The following RNF125 variants were observed in gnomAD, a reference collection of about 807,000 sequenced individuals.
RNF125 encodes E3 ubiquitin-protein ligase RNF125.
In RNF125, 21 loss-of-function variants were observed where a neutral mutation model predicts 26.0. That is an observed-to-expected ratio of 0.81 (90% confidence interval 0.57 to 1.16). RNF125 has a LOEUF of 1.16. RNF125 is among the 50% of genes most tolerant of loss of function. The probability of loss-of-function intolerance (pLI) is 0.00; values close to 1 mark genes in which losing one functional copy is unlikely to be tolerated. For synonymous variants in RNF125, 95 were observed against 109.2 expected (o/e 0.87, Z 0.81); for missense variants, 270 against 299.4 (o/e 0.90, Z 0.72).
At chr18:32,089,942 A>G in the RNF125 span, among the ~76,000 whole-genome samples, 1 of 152,174 alleles carries the variant, frequency 6.6e-6, no homozygotes, top group Non-Finnish European at 1.5e-5. Context: ...AATGAGTGGA[A>G]TTATCAAAAA....
intron 2 of RNF125, among the ~76,000 whole-genome samples, chr18:32,039,439 T>G (rs753487949): frequency 5.3e-5 from 8 of 152,064 alleles, no homozygotes; most frequent in Non-Finnish European, 1.2e-4. Context: ...ATGTTCATGT[T>G]AGAGGGTGGT....
chr18:32,075,947 T>C, downstream of RNF125: 6 of 1,524,046 alleles, frequency 3.9e-6, no homozygotes, highest in Non-Finnish European at 4.5e-6. Flanking sequence ...TCATGGTCCA[T>C]GATGCCAGCT....
intron 1 of RNF125, among the ~76,000 whole-genome samples, chr18:32,029,426 C>T (rs1032718986): frequency 6.7e-6 from 1 of 149,434 alleles, no homozygotes; most frequent in African/African-American, 2.5e-5. Flanking sequence ...GAGTTTGAGA[C>T]CAGCCTGGGC....
Position 32,033,379 on chromosome 18 carries a change from T to C in RNF125, c.165-3737T>C, listed in dbSNP as rs150867472. ...TCCTCTAGTACTAAAAACACAAACATTTGCCGAACATGGTGGCACATGCAT... is the reference window on the plus strand; with the variant it reads ...TCCTCTAGTACTAAAAACACAAACACTTGCCGAACATGGTGGCACATGCAT... On this transcript the variant is annotated intron_variant, in intron 1 of 5. Coordinates refer to ENST00000217740, the MANE Select transcript of RNF125 (RefSeq NM_017831.4). Among the ~76,000 whole-genome samples the C allele has an allele frequency of 2.0e-5, 3 of 152,028 alleles. No homozygotes were observed. In the East Asian group the frequency reaches 5.8e-4, roughly 30 times the overall value.
chr18:32,053,722 C>T (rs1381448036), intron 4 of RNF125, among the ~76,000 whole-genome samples: 2 of 149,670 alleles, frequency 1.3e-5, no homozygotes, highest in East Asian at 2.0e-4. Context: ...GAGCAGAGAT[C>T]GCATCATTGC....
At chr18:32,050,899 TG>T (rs2039320199) in intron 4 of RNF125, among the ~76,000 whole-genome samples, 1 of 96,030 alleles carries the variant, frequency 1.0e-5, no homozygotes, top group Non-Finnish European at 1.9e-5. Flanking sequence ...TTTTTTTTTT[TG>T]AAGAGACGGT....
Position 32,055,339 on chromosome 18 carries a change from ATTTAG to A in RNF125, c.504+9611_504+9615del, listed in dbSNP as rs1473212036. 2.6e-5 allele frequency among the ~76,000 whole-genome samples: 4 copies of A among 151,038 alleles called. No individual in the cohort carries two copies. The East Asian group carries it at 7.8e-4, about 29-fold the overall frequency. ...AAAGAAATTAGACCAAGTTATTCTT[ATTTAG>A]TTTTTCCTGTTCCAACATCTTGCTC... On this transcript the variant is annotated intron_variant, in intron 4 of 5. Coordinates refer to ENST00000217740, the MANE Select transcript of RNF125 (RefSeq NM_017831.4).
chr18:32,024,566 G>C (rs1051116469), intron 1 of RNF125, among the ~76,000 whole-genome samples: 1 of 151,948 alleles, frequency 6.6e-6, no homozygotes, highest in African/African-American at 2.4e-5. Context: ...TCAACCTCCT[G>C]AGTAGCTGGA....
intron 4 of RNF125, among the ~76,000 whole-genome samples, chr18:32,063,340 C>A (rs1207782246): frequency 6.6e-6 from 1 of 151,612 alleles, no homozygotes; most frequent in Non-Finnish European, 1.5e-5. Context: ...TATTAGCCAT[C>A]ATAGAAGTGC....
In RNF125 at chr18:32,018,907, C is replaced by G. The variant is rs755765873; in HGVS notation, c.44C>G (p.Ala15Gly). Residue 15 changes from alanine (A) to glycine (G), a missense_variant, in exon 1 of 6, where the codon GCC (alanine) becomes GGC (glycine). Physicochemically the swap from Ala to Gly is moderately conservative, Grantham distance 60. Transcript: ENST00000217740. ...ACCGACAGCGGCAAATCGGCGCCCG[C>G]CTCTGCCACCGCGCGGGCCCTGGAG... ...LSTDSGKSAP[A>G]SATARALERR... 1 of 1,606,628 alleles carries G rather than the reference C, an allele frequency of 6.2e-7. No individual in the cohort carries two copies. Among genetic ancestry groups the G allele is most frequent in the African/African-American group, 1.3e-5 (1 of 74,740 alleles).
At chr18:32,084,811 G>C in the RNF125 span, among the ~76,000 whole-genome samples, 11 of 152,244 alleles carry the variant, frequency 7.2e-5, no homozygotes, top group African/African-American at 2.6e-4. Context: ...GTTAAAAATG[G>C]AAGCTGTATA....
intron 5 of RNF125, among the ~76,000 whole-genome samples, chr18:32,067,151 G>C (rs2039492224): frequency 6.6e-6 from 1 of 152,218 alleles, no homozygotes; most frequent in Admixed American, 6.5e-5. Flanking sequence ...TACTCTGGAG[G>C]CTGAGGCAGG....
downstream of RNF125, among the ~76,000 whole-genome samples, chr18:32,074,115 C>A (rs2039553767): frequency 6.6e-6 from 1 of 152,172 alleles, no homozygotes; most frequent in African/African-American, 2.4e-5. Context: ...CCAGTGCTCA[C>A]CCAAAGTCTA....
downstream of RNF125, among the ~76,000 whole-genome samples, chr18:32,076,805 C>T (rs1036150774): frequency 4.6e-5 from 7 of 152,140 alleles, no homozygotes; most frequent in African/African-American, 1.4e-4. Flanking sequence ...ACTTTCTATT[C>T]CTTCTGTTTG....
the RNF125 span, among the ~76,000 whole-genome samples, chr18:32,083,397 T>A: frequency 6.6e-6 from 1 of 152,168 alleles, no homozygotes; most frequent in African/African-American, 2.4e-5. Context: ...AATGCCTATA[T>A]ATTAAGGGGT....
At chr18:32,084,502 T>G in the RNF125 span, among the ~76,000 whole-genome samples, 444 of 152,370 alleles carry the variant, frequency 2.9e-3, 7 homozygotes, top group African/African-American at 0.01. Flanking sequence ...GTGAAGTGAC[T>G]TTAGCTGCAT....
intron 4 of RNF125, among the ~76,000 whole-genome samples, chr18:32,061,089 A>T (rs1268122926): frequency 6.6e-6 from 1 of 152,080 alleles, no homozygotes; most frequent in African/African-American, 2.4e-5. Context: ...CAGTGGTGCG[A>T]TCTCGGCTCA....
At chr18:32,060,281 C>G (rs1369095680) in intron 4 of RNF125, among the ~76,000 whole-genome samples, 2 of 152,200 alleles carry the variant, frequency 1.3e-5, no homozygotes, top group African/African-American at 2.4e-5. Context: ...CGGTCCCTGA[C>G]ACACTGGCCT....
intron 4 of RNF125, among the ~76,000 whole-genome samples, chr18:32,050,470 T>G (rs2039312832): frequency 6.6e-6 from 1 of 152,172 alleles, no homozygotes; most frequent in Admixed American, 6.6e-5. Context: ...GGTGTGCACC[T>G]TCACAACTGG....
Sources: allele counts gnomAD v4.1 joint callset (sites outside exome capture counted in the v4.1 genomes callset), GRCh38; gene constraint gnomAD v4.1.1; transcripts MANE v1.5; gene names NCBI Gene and HGNC (gene_info 2026-07-23, HGNC 2026-07-21).